The following SSRP1 variants were observed in gnomAD, a reference collection of about 807,000 sequenced individuals.
SSRP1 encodes the protein structure specific recognition protein 1, also known as FACT complex subunit SSRP1.
Under a neutral mutation model 84.4 loss-of-function variants are expected in SSRP1, and 21 were observed. The observed-to-expected ratio is 0.25, with a 90% CI of 0.18 to 0.36. The LOEUF is 0.36. Among genes scored for constraint, SSRP1 ranks in the 10% least tolerant of loss-of-function variants. SSRP1 has a pLI of 1.00. For synonymous variants in SSRP1, 319 were observed against 318.3 expected (o/e 1.00, Z -0.02); for missense variants, 519 against 900.8 (o/e 0.58, Z 5.43).
In SSRP1 at chr11:57,332,927, T is replaced by G. The variant is rs757236502; in HGVS notation, c.537+32A>C. The stretch of plus-strand genomic sequence containing the variant: ...GCCAGCCAATGCCTGCTCAGCACCA[T>G]CTGCTGCCAAGGCAACCAGGGGAAG... On this transcript the variant is annotated intron_variant, in intron 5 of 16. Coordinates refer to ENST00000278412, the MANE Select transcript of SSRP1 (RefSeq NM_003146.3). This position sits in a 1 kb window ranked among gnomAD's most constrained non-coding sequence, Gnocchi z 5.5. 1.3e-6 allele frequency: 2 copies of G among 1,598,984 alleles called. No individual in the cohort carries two copies. Among genetic ancestry groups the G allele is most frequent in the Non-Finnish European group, 1.7e-6 (2 of 1,170,192 alleles).
chr11:57,334,940 C>G lies in SSRP1; in HGVS notation c.54+128G>C, dbSNP rs1856178863. ...GTATTGCCTTGAGTTGGTGGAGACA[C>G]TAGGTACACATTATACTGAGTCTTC... is the stretch of plus-strand genomic sequence containing the variant. On this transcript the variant is annotated intron_variant, in intron 2 of 16. Coordinates refer to ENST00000278412, the MANE Select transcript of SSRP1 (RefSeq NM_003146.3). 6.4e-6 allele frequency: 7 copies of G among 1,097,894 alleles called. No individual in the cohort carries two copies. In the South Asian group the frequency reaches 7.9e-5, roughly 12 times the overall value. 68.0% of individuals were successfully genotyped at this position (1,097,894 alleles called of 1,614,324 possible).
intron 12 of SSRP1, 124 bp downstream of exon 12, chr11:57,329,969 G>T: frequency 1.7e-6 from 2 of 1,172,856 alleles, no homozygotes; most frequent in Non-Finnish European, 2.5e-6. Flanking sequence ...TCACCTCATT[G>T]GAGGTCACTC....
chr11:57,328,326 C>A lies in SSRP1; in HGVS notation c.1582G>T (p.Asp528Tyr). The change falls in exon 13 of 17, where the codon GAC becomes TAC. Residue 528 changes from aspartate to tyrosine, a missense_variant. By Grantham distance (160) the Asp-to-Tyr change is radical. This residue lies in a region of SSRP1 where 197 missense variants were observed against 265.0 expected (regional missense o/e 0.74). Transcript: ENST00000278412. ...KQLKKAKMAK[D>Y]RKSRKKPVEV... ...ACAGGCTTCTTGCGGCTCTTGCGGT[C>A]CTTGGCCATCTTGGCCTTTTTGAGC... The A allele has an allele frequency of 4.3e-6, 7 of 1,614,210 alleles. No homozygotes were observed. The highest frequency in any genetic ancestry group is 3.4e-6 in the Non-Finnish European group (4 of 1,180,014).
In SSRP1 at chr11:57,330,991, T is replaced by C. The variant is rs1856078941; in HGVS notation, c.1224-64A>G. On this transcript the variant is annotated intron_variant, in intron 9 of 16. Coordinates refer to ENST00000278412, the MANE Select transcript of SSRP1 (RefSeq NM_003146.3). This position sits in a 1 kb window ranked among gnomAD's most constrained non-coding sequence, Gnocchi z 4.0. ...GCCAACACAGGGGCACACTAAACAA[T>C]GTTCTGATTCCATGAGCTGGGGTAG... 1 of 1,566,044 alleles carries C rather than the reference T, an allele frequency of 6.4e-7. No individual in the cohort carries two copies. The highest frequency in any genetic ancestry group is 8.8e-7 in the Non-Finnish European group (1 of 1,137,392).
At position 57,330,869 on chromosome 11, in the gene SSRP1, G is replaced by A. The variant is rs1856075824; in HGVS notation, c.1282C>T (p.Arg428Ter). ...CACAGAAGTACCTCTTTCAATCCTC[G>A]GTTTTTGATGTTGAGCTTTTTCGCG... ...VNAKKLNIKNRGLKEGMNPSY... is the reference protein window; with the variant it reads ...VNAKKLNIKN Residue 428 changes from arginine (R) to a stop codon, truncating the protein, a stop_gained, in exon 10 of 17, where the codon CGA becomes TGA. Coordinates refer to ENST00000278412, the MANE Select transcript of SSRP1 (RefSeq NM_003146.3). LOFTEE classifies it high-confidence loss of function. This position sits in a 1 kb window ranked among gnomAD's most constrained non-coding sequence, Gnocchi z 4.0. 1 of 1,614,186 alleles carries A rather than the reference G, an allele frequency of 6.2e-7. No individual in the cohort carries two copies. Among genetic ancestry groups the A allele is most frequent in the Non-Finnish European group, 8.5e-7 (1 of 1,180,026 alleles).
chr11:57,334,701 G>A (rs943236266), intron 2 of SSRP1, 53 bp from the exon 3 acceptor site: 21 of 1,589,954 alleles, frequency 1.3e-5, no homozygotes, highest in Non-Finnish European at 1.6e-5. Flanking sequence ...CATGTCCTGG[G>A]TTCTACAGCT....
intron 3 of SSRP1, 77 bp downstream of exon 3, chr11:57,334,386 A>G (rs1590612272): frequency 6.5e-7 from 1 of 1,536,810 alleles, no homozygotes; most frequent in East Asian, 2.3e-5. Flanking sequence ...TTACATGAGG[A>G]AGGAACCTCG....
chr11:57,329,866 C>T lies in SSRP1; in HGVS notation c.1481+227G>A, dbSNP rs562606527. ...CCAGCCCCAACTGGCACATTCAGGG[C>T]GGTATGGCCATAGATCCCACTATAC... is the stretch of plus-strand genomic sequence containing the variant. On this transcript the variant is annotated intron_variant, in intron 12 of 16. Transcript: ENST00000278412. 3.4e-4 allele frequency: 210 copies of T among 608,766 alleles called. 5 individuals carry two copies. The South Asian group carries it at 4.0e-3, about 11-fold the overall frequency. The allele number at this position is 608,766 out of a possible 1,614,324, so 37.7% of individuals were successfully genotyped here. A position where few individuals can be genotyped will look rare whatever the true frequency, so the allele number is the denominator to read the frequency against.
chr11:57,327,271 T>C, intron 15 of SSRP1, 155 bp downstream of exon 15: 1 of 789,578 alleles, frequency 1.3e-6, no homozygotes, highest in Non-Finnish European at 2.1e-6. Flanking sequence ...TCACCCATAC[T>C]TGGGCAATGG....
rs1856186737 is a variant in SSRP1, at chr11:57,335,182, A to T, written c.-61T>A. 1 of 1,592,712 alleles carries T rather than the reference A, an allele frequency of 6.3e-7. No individual in the cohort carries two copies. The highest frequency in any genetic ancestry group is 1.3e-5 in the African/African-American group (1 of 74,372). Reference sequence around the variant, plus strand: ...CAGGCTGCACAAGGGAAACCAAGTAAACTGGGAGCTGGGCCCCAACTCCTG... The same window carrying T: ...CAGGCTGCACAAGGGAAACCAAGTATACTGGGAGCTGGGCCCCAACTCCTG... On this transcript the variant is annotated 5_prime_UTR_variant, in exon 2 of 17. Transcript: ENST00000278412. This position sits in a 1 kb window ranked among gnomAD's most constrained non-coding sequence, Gnocchi z 4.6.
In SSRP1 at chr11:57,326,691, T is replaced by C. The variant is rs1358444477; in HGVS notation, c.2058+12A>G. 1 of 1,611,390 alleles carries C rather than the reference T, an allele frequency of 6.2e-7. No homozygotes were observed. The highest frequency in any genetic ancestry group is 1.3e-5 in the African/African-American group (1 of 74,962). On this transcript the variant is annotated intron_variant, in intron 16 of 16. Coordinates refer to ENST00000278412, the MANE Select transcript of SSRP1 (RefSeq NM_003146.3). ...CCCTGCCCAGCCCACAGGCCCCACA[T>C]TCCTGCCGCACCTCGCTCCTCCTCC...
chr11:57,326,410 C>T lies in SSRP1; in HGVS notation c.2127G>A (p.Glu709=). Residue 709 remains glutamate (E), a synonymous_variant, in exon 17 of 17, where the codon GAG becomes GAA. Coordinates refer to ENST00000278412, the MANE Select transcript of SSRP1 (RefSeq NM_003146.3). ...CAAAGAGAACCTTCCTCCGTTTCTA[C>T]TCATCGGATCCTGACGCTGAGTCCT... ...SSEDSASGSD[E] 6.2e-7 allele frequency: 1 copy of T among 1,614,160 alleles called. No individual in the cohort carries two copies. The highest frequency in any genetic ancestry group is 2.2e-5 in the East Asian group (1 of 44,886).
At chr11:57,329,071 T>C (rs1256240657) in intron 12 of SSRP1, 2 of 152,428 alleles carry the variant, frequency 1.3e-5, no homozygotes, top group Non-Finnish European at 2.9e-5. Flanking sequence ...TTGTCTGATA[T>C]ATGTGAAACT....
rs545048227 is a variant in SSRP1 at position 57,330,621 on chromosome 11, C to A, written c.1297-192G>T. The stretch of plus-strand genomic sequence containing the variant: ...TCCTGCCAACTGGGTTAGTCCAAGC[C>A]CCAAGCCCCTCCCTCTCCCAGCCCC... On this transcript the variant is annotated intron_variant, in intron 10 of 16. Transcript: ENST00000278412. The surrounding 1 kb of genome is among the most constrained non-coding windows in gnomAD (Gnocchi z 4.0). 2.1e-4 allele frequency: 299 copies of A among 1,438,588 alleles called. No homozygotes were observed. The African/African-American group carries it at 4.0e-3, about 19-fold the overall frequency. The allele number at this position is 1,438,588 out of a possible 1,614,324, so 89.1% of individuals were successfully genotyped here. A position where few individuals can be genotyped will look rare whatever the true frequency, so the allele number is the denominator to read the frequency against.
At position 57,327,431 on chromosome 11, in the gene SSRP1, A is replaced by C; in HGVS notation, c.1866T>G (p.Ser622=). ...KEYEGGRGES[S]KRDKSKKKKK... ...GCCATGTTCTCGACACTCACCTCTTAGAAGACTCGCCTCGGCCCCCTTCAT... is the reference window on the plus strand; with the variant it reads ...GCCATGTTCTCGACACTCACCTCTTCGAAGACTCGCCTCGGCCCCCTTCAT... Residue 622 remains serine (S), a synonymous_variant, in exon 15 of 17, where the codon TCT becomes TCG. Transcript: ENST00000278412. 1 of 1,613,478 alleles carries C rather than the reference A, an allele frequency of 6.2e-7. No individual in the cohort carries two copies. The highest frequency in any genetic ancestry group is 2.2e-5 in the East Asian group (1 of 44,868).
In SSRP1 at chr11:57,330,385, G is replaced by C; in HGVS notation, c.1341C>G (p.Asp447Glu). The C allele has an allele frequency of 6.2e-7, 1 of 1,614,118 alleles. No individual in the cohort carries two copies. The highest frequency in any genetic ancestry group is 8.5e-7 in the Non-Finnish European group (1 of 1,180,036). ...TCCTCTCCAAGTAGGCATCATGCTG[G>C]TCCTCATCAGAGTCAGCATATTCAT... is the stretch of plus-strand genomic sequence containing the variant. The part of the protein sequence containing the change: ...SYDEYADSDE[D>E]QHDAYLERMK... Residue 447 changes from aspartate (D) to glutamate (E), a missense_variant, in exon 11 of 17, where the codon GAC becomes GAG. Coordinates refer to ENST00000278412, the MANE Select transcript of SSRP1 (RefSeq NM_003146.3). This position sits in a 1 kb window ranked among gnomAD's most constrained non-coding sequence, Gnocchi z 4.0.
At position 57,335,101 on chromosome 11, in the gene SSRP1, G is replaced by C; in HGVS notation, c.21C>G (p.Phe7Leu). ...CTTTCACCTCCTGATAGACGTCGTT[G>C]AACTCCAGTGTCTCTGCCATGTCGA... MAETLEFNDVYQEVKGS... is the reference protein window; with the variant it reads MAETLELNDVYQEVKGS... The change falls in exon 2 of 17, where the codon TTC (phenylalanine) becomes TTG (leucine). Residue 7 changes from phenylalanine to leucine, a missense_variant. Transcript: ENST00000278412. This position sits in a 1 kb window ranked among gnomAD's most constrained non-coding sequence, Gnocchi z 4.6. 6.2e-7 allele frequency: 1 copy of C among 1,614,062 alleles called. No homozygotes were observed. Among genetic ancestry groups the C allele is most frequent in the Non-Finnish European group, 8.5e-7 (1 of 1,180,002 alleles).
chr11:57,326,950 C>T, intron 15 of SSRP1, 61 bp from the exon 16 acceptor site: 1 of 1,479,424 alleles, frequency 6.8e-7, no homozygotes. Context: ...ATGACCAAAC[C>T]TCTCCCAGCT....
intron 13 of SSRP1, 39 bp downstream of exon 13, chr11:57,328,257 CA>C: frequency 6.2e-7 from 1 of 1,607,882 alleles, no homozygotes; most frequent in African/African-American, 1.3e-5. Flanking sequence ...GCCCCCCACC[CA>C]CTGCACCACA....
Sources: allele counts gnomAD v4.1 joint callset, GRCh38; gene constraint gnomAD v4.1.1; regional missense constraint gnomAD v4.1.1; non-coding constraint Gnocchi (gnomAD v3.1); transcripts MANE v1.5; gene names NCBI Gene and HGNC (gene_info 2026-07-23, HGNC 2026-07-21).